The following CSMD1 variants were observed in gnomAD, a reference collection of about 807,000 sequenced individuals.
CSMD1 encodes CUB and Sushi multiple domains 1, also known as CUB and sushi domain-containing protein 1.
CSMD1 carries 213 observed loss-of-function variants against 417.5 expected under a neutral mutation model. The ratio of observed to expected loss-of-function variants is 0.51; its 90% confidence interval spans 0.46 to 0.57. CSMD1 has a LOEUF of 0.57. CSMD1 is among the 20% of genes least tolerant of loss of function. The probability of loss-of-function intolerance (pLI) is 0.00; values close to 1 mark genes in which losing one functional copy is unlikely to be tolerated. For synonymous variants in CSMD1, 2,862 were observed against 1,736.8 expected, an observed-to-expected ratio of 1.65 and a Z score of -16.11; for missense variants, 6,923 against 4,529.7, an observed-to-expected ratio of 1.53 and a Z score of -15.17.
intron 12 of CSMD1, among the ~76,000 whole-genome samples, chr8:3,453,476 G>A (rs561299502): frequency 1.3e-5 from 2 of 152,232 alleles, no homozygotes; most frequent in South Asian, 2.1e-4. Flanking sequence ...TCTACACACT[G>A]CTTTGAATGT....
At chr8:3,020,570 C>T (rs1809281358) in intron 51 of CSMD1, among the ~76,000 whole-genome samples, 2 of 152,098 alleles carry the variant, frequency 1.3e-5, no homozygotes, top group South Asian at 4.2e-4. Flanking sequence ...ATGGGGGTCT[C>T]ATTGTGTTGT....
chr8:3,813,863 G>T (rs1163107585), intron 5 of CSMD1, among the ~76,000 whole-genome samples: 1 of 152,112 alleles, frequency 6.6e-6, no homozygotes, highest in African/African-American at 2.4e-5. Flanking sequence ...TATCAGACAA[G>T]AGAAAAAGAA....
intron 18 of CSMD1, among the ~76,000 whole-genome samples, chr8:3,378,667 A>G (rs1810459437): frequency 1.3e-5 from 2 of 152,214 alleles, no homozygotes; most frequent in Admixed American, 6.5e-5. Context: ...ATCTCAAGAG[A>G]TGAAGAAAAG....
chr8:4,183,930 C>A (rs1248411963), intron 3 of CSMD1, among the ~76,000 whole-genome samples: 1 of 152,106 alleles, frequency 6.6e-6, no homozygotes, highest in East Asian at 1.9e-4. Context: ...ACATGATAGT[C>A]TGGGAAACCT....
chr8:4,676,136 T>G (rs1248295506), intron 1 of CSMD1, among the ~76,000 whole-genome samples: 1 of 152,214 alleles, frequency 6.6e-6, no homozygotes, highest in Non-Finnish European at 1.5e-5. Flanking sequence ...ATAAGATGTT[T>G]TGTCATATAA....
At chr8:4,836,967 C>G (rs73659205) in intron 1 of CSMD1, among the ~76,000 whole-genome samples, 6 of 151,958 alleles carry the variant, frequency 3.9e-5, no homozygotes, top group East Asian at 3.9e-4. Flanking sequence ...CTCTGTAGAA[C>G]AGATGGCCTT....
chr8:4,919,753 A>G (rs1806311156), intron 1 of CSMD1, among the ~76,000 whole-genome samples: 1 of 152,192 alleles, frequency 6.6e-6, no homozygotes, highest in South Asian at 2.1e-4. Context: ...AGAATAAGTG[A>G]TTAGCCTGTG....
chr8:4,848,864 TA>T (rs1184573015), intron 1 of CSMD1, among the ~76,000 whole-genome samples: 3 of 152,216 alleles, frequency 2.0e-5, no homozygotes, highest in African/African-American at 7.2e-5. Context: ...TACTTAATAA[TA>T]ATAAACAACT....
intron 1 of CSMD1, among the ~76,000 whole-genome samples, chr8:4,697,868 T>G (rs1269198784): frequency 6.6e-6 from 1 of 152,222 alleles, no homozygotes; most frequent in East Asian, 1.9e-4. Flanking sequence ...TTGTAATATC[T>G]TACATAATAT....
intron 10 of CSMD1, among the ~76,000 whole-genome samples, chr8:3,558,903 G>C (rs1799344524): frequency 6.6e-6 from 1 of 152,174 alleles, no homozygotes; most frequent in Admixed American, 6.5e-5. Flanking sequence ...GTCTGAAAAG[G>C]AAAGCGTCCT....
At chr8:4,165,858 G>A (rs1403867434) in intron 3 of CSMD1, among the ~76,000 whole-genome samples, 3 of 152,208 alleles carry the variant, frequency 2.0e-5, no homozygotes, top group African/African-American at 7.2e-5. Context: ...GCCATTGAAA[G>A]TAAAAGCAAA....
chr8:4,676,786 T>C (rs2130963314), intron 1 of CSMD1, among the ~76,000 whole-genome samples: 1 of 152,066 alleles, frequency 6.6e-6, no homozygotes, highest in African/African-American at 2.4e-5. Flanking sequence ...CTTTGTTCTC[T>C]TCAGCGAGTT....
At chr8:3,691,649 T>G (rs1041610320) in intron 7 of CSMD1, among the ~76,000 whole-genome samples, 2 of 152,154 alleles carry the variant, frequency 1.3e-5, no homozygotes, top group Admixed American at 6.5e-5. Context: ...CTAAGTACCC[T>G]TTCGTGGCAG....
At position 3,134,170 on chromosome 8, in the gene CSMD1, C is replaced by CA. The variant is rs1413931177; in HGVS notation, c.6241+8294dup. ...CTCTCGACAGAGTGAGACTCCATCT[C>CA]AAAAAAACAAGAAAAAAAAGAGAAA... On this transcript the variant is annotated intron_variant, in intron 41 of 69. Coordinates refer to ENST00000635120, the MANE Select transcript of CSMD1 (RefSeq NM_033225.6). Among the ~76,000 whole-genome samples the CA allele has an allele frequency of 8.1e-5, 12 of 147,440 alleles. No homozygotes were observed. The East Asian group carries it at 9.8e-4, about 12-fold the overall frequency.
chr8:4,855,357 C>T, intron 1 of CSMD1, among the ~76,000 whole-genome samples: 1 of 152,126 alleles, frequency 6.6e-6, no homozygotes, highest in Non-Finnish European at 1.5e-5. Context: ...AGCAGAGCGC[C>T]TCTCCTCCTC....
intron 23 of CSMD1, among the ~76,000 whole-genome samples, chr8:3,319,109 G>C (rs1805976618): frequency 6.6e-6 from 1 of 152,134 alleles, no homozygotes; most frequent in Admixed American, 6.6e-5. Context: ...CTTGCATCCA[G>C]ATAATAACTG....
chr8:4,765,025 G>T (rs1258525446), intron 1 of CSMD1, among the ~76,000 whole-genome samples: 1 of 152,044 alleles, frequency 6.6e-6, no homozygotes, highest in South Asian at 2.1e-4. Context: ...GTTTAATTAA[G>T]CAACTGCATG....
At chr8:3,779,483 T>A (rs374344994) in intron 5 of CSMD1, among the ~76,000 whole-genome samples, 1 of 152,194 alleles carries the variant, frequency 6.6e-6, no homozygotes, top group Non-Finnish European at 1.5e-5. Flanking sequence ...AATCCTTTTA[T>A]AGTATTCACT....
chr8:4,798,152 T>C (rs1373790333), intron 1 of CSMD1, among the ~76,000 whole-genome samples: 1 of 152,216 alleles, frequency 6.6e-6, no homozygotes, highest in African/African-American at 2.4e-5. Flanking sequence ...CCTAATGCTA[T>C]CCCTCCCCAC....
Sources: gnomAD v4.1 joint callset for allele counts (sites outside exome capture counted in the v4.1 genomes callset) on GRCh38, gnomAD v4.1.1 for gene constraint, MANE v1.5 for transcripts, NCBI Gene and HGNC (gene_info 2026-07-23, HGNC 2026-07-21) for gene names.